STAU2: variants seen among roughly 807,000 people sequenced by gnomAD.
STAU2 encodes staufen double-stranded RNA binding protein 2.
In STAU2, 20 loss-of-function variants were observed where a neutral mutation model predicts 65.9. The ratio of observed to expected loss-of-function variants is 0.30; its 90% CI spans 0.21 to 0.44. STAU2 has a LOEUF of 0.44. Among genes scored for constraint, STAU2 ranks in the 20% least tolerant of loss-of-function variants. STAU2 has a pLI of 1.00. For synonymous variants in STAU2, 232 were observed against 233.9 expected, an observed-to-expected ratio of 0.99 and a Z score of 0.07; for missense variants, 558 against 683.9, an observed-to-expected ratio of 0.82 and a Z score of 2.05.
chr8:73,726,379 A>G (rs1805635194), intron 3 of STAU2, among the ~76,000 whole-genome samples: 1 of 152,220 alleles, frequency 6.6e-6, no homozygotes, highest in African/African-American at 2.4e-5. Context: ...TCACCACTAA[A>G]GAACTTATTC....
chr8:73,549,915 T>C (rs1807203137), intron 13 of STAU2: 7 of 985,596 alleles, frequency 7.1e-6, no homozygotes, highest in Non-Finnish European at 3.6e-6. Context: ...ATAGAAACAA[T>C]CTACATGTTT....
intron 12 of STAU2, among the ~76,000 whole-genome samples, chr8:73,555,584 A>G (rs756185665): frequency 1.3e-5 from 2 of 151,652 alleles, no homozygotes; most frequent in Non-Finnish European, 2.9e-5. Context: ...CCCACACACA[A>G]TAAAAAATAA....
chr8:73,453,837 A>T (rs938966665), intron 13 of STAU2, among the ~76,000 whole-genome samples: 1 of 151,464 alleles, frequency 6.6e-6, no homozygotes, highest in African/African-American at 2.4e-5. Context: ...GTTTTGTTTT[A>T]AGAAAGCAAA....
chr8:73,528,495 G>A (rs1222742196), intron 13 of STAU2, among the ~76,000 whole-genome samples: 1 of 152,122 alleles, frequency 6.6e-6, no homozygotes, highest in Non-Finnish European at 1.5e-5. Flanking sequence ...TTCCCATTAA[G>A]AAAATTTCCA....
intron 13 of STAU2, among the ~76,000 whole-genome samples, chr8:73,436,202 C>G (rs1174064198): frequency 2.0e-5 from 3 of 151,710 alleles, no homozygotes; most frequent in Non-Finnish European, 4.4e-5. Flanking sequence ...ACAAGATAAG[C>G]TTTGAAGTTC....
At chr8:73,461,265 A>AG (rs1344387676) in intron 13 of STAU2, among the ~76,000 whole-genome samples, 4 of 152,212 alleles carry the variant, frequency 2.6e-5, no homozygotes, top group African/African-American at 9.6e-5. Context: ...ACTATTACAC[A>AG]GATATACACG....
chr8:73,744,191 T>C (rs1411909230), intron 1 of STAU2, among the ~76,000 whole-genome samples: 2 of 152,096 alleles, frequency 1.3e-5, no homozygotes, highest in African/African-American at 2.4e-5. Flanking sequence ...AGCTCCTATA[T>C]AGAACTTGGG....
chr8:73,634,197 G>A (rs1214247604), intron 6 of STAU2, among the ~76,000 whole-genome samples: 3 of 152,118 alleles, frequency 2.0e-5, no homozygotes, highest in Admixed American at 6.5e-5. Context: ...CTCGTCTCTA[G>A]TCTAGATTAT....
intron 13 of STAU2, among the ~76,000 whole-genome samples, chr8:73,433,091 T>C (rs760910856): frequency 6.6e-6 from 1 of 152,242 alleles, no homozygotes; most frequent in African/African-American, 2.4e-5. Flanking sequence ...CTGCACAGAA[T>C]GTGTTCTGTG....
upstream of STAU2, chr8:73,746,867 C>T: frequency 5.8e-6 from 7 of 1,202,070 alleles, no homozygotes; most frequent in East Asian, 3.4e-5. Context: ...CGCCGGCTTC[C>T]ACCCCTCGGG....
intron 5 of STAU2, among the ~76,000 whole-genome samples, chr8:73,674,335 T>C (rs1817888251): frequency 6.6e-6 from 1 of 151,920 alleles, no homozygotes; most frequent in Admixed American, 6.6e-5. Flanking sequence ...AAGAGAATTA[T>C]TTCAAAAGAC....
intron 5 of STAU2, among the ~76,000 whole-genome samples, chr8:73,685,031 T>C (rs1270443555): frequency 1.3e-5 from 2 of 152,184 alleles, no homozygotes; most frequent in South Asian, 2.1e-4. Context: ...TCCCCCTTGC[T>C]GTTCCCATGA....
chr8:73,679,978 ATTTTTTTTTTTTTT>A (rs1160379353), intron 5 of STAU2, among the ~76,000 whole-genome samples: 1 of 81,368 alleles, frequency 1.2e-5, no homozygotes, highest in Admixed American at 1.8e-4. Flanking sequence ...TAGGGAAGCC[ATTTTTTTTTTTTTT>A]TTTTTTTTTT....
chr8:73,637,726 C>T (rs1814654267), intron 6 of STAU2, among the ~76,000 whole-genome samples: 1 of 151,566 alleles, frequency 6.6e-6, no homozygotes, highest in Admixed American at 6.6e-5. Context: ...CAAAAACAAA[C>T]ACAAACACAA....
chr8:73,696,623 C>T (rs1175483899), intron 4 of STAU2, among the ~76,000 whole-genome samples: 5 of 152,072 alleles, frequency 3.3e-5, no homozygotes, highest in African/African-American at 1.2e-4. Flanking sequence ...AGTCTCTTAA[C>T]AACAGAAATG....
rs936387150 is a variant in STAU2 at position 73,693,225 on chromosome 8, G to A, written c.115-4412C>T. ...GCGGTGGCTCACGCCTGTAATCCCA[G>A]CACTTTGGGAGGCCGAGGCGGGCGG... On this transcript the variant is annotated intron_variant, in intron 4 of 14. Transcript: ENST00000524300. Among the ~76,000 whole-genome samples, 3 of 152,150 alleles carry A rather than the reference G, an allele frequency of 2.0e-5. 1 individual carries two copies. The highest frequency in any genetic ancestry group is 4.4e-5 in the Non-Finnish European group (3 of 68,028).
At chr8:73,595,927 T>G (rs1172911938) in intron 10 of STAU2, among the ~76,000 whole-genome samples, 2 of 151,868 alleles carry the variant, frequency 1.3e-5, no homozygotes, top group Admixed American at 1.3e-4. Flanking sequence ...GCCTGGCCAA[T>G]ATGGTGAAAC....
chr8:73,447,219 C>T (rs1818514460), intron 13 of STAU2, among the ~76,000 whole-genome samples: 1 of 152,250 alleles, frequency 6.6e-6, no homozygotes, highest in Middle Eastern at 3.2e-3. Flanking sequence ...GCTGGGATTA[C>T]AGGCATGAGC....
At chr8:73,746,888 C>A, upstream of STAU2, 1 of 1,019,876 alleles carries the variant, frequency 9.8e-7, no homozygotes, top group Non-Finnish European at 1.2e-6. Flanking sequence ...CTCCCCGCCC[C>A]CCGCCTCCGC....
Sources: allele counts gnomAD v4.1 joint callset (sites outside exome capture counted in the v4.1 genomes callset), GRCh38; gene constraint gnomAD v4.1.1; transcripts MANE v1.5; gene names NCBI Gene and HGNC (gene_info 2026-07-23, HGNC 2026-07-21).